The following TAFA4 variants were observed in gnomAD, a reference collection of about 807,000 sequenced individuals.
TAFA4 encodes TAFA chemokine like family member 4.
Under a neutral mutation model 21.1 loss-of-function variants are expected in TAFA4, and 20 were observed. That is an observed-to-expected ratio of 0.95 (90% confidence interval 0.67 to 1.38). The LOEUF is 1.38. Among genes scored for constraint, TAFA4 ranks in the 40% most tolerant of loss-of-function variants. The pLI is 0.00. For synonymous variants in TAFA4, 71 were observed against 67.4 expected, an observed-to-expected ratio of 1.05 and a Z score of -0.26; for missense variants, 211 against 180.9, an observed-to-expected ratio of 1.17 and a Z score of -0.95.
At chr3:68,883,200 C>T (rs1439087231) in intron 2 of TAFA4, 1 of 152,322 alleles carries the variant, frequency 6.6e-6, no homozygotes, top group African/African-American at 2.4e-5. Flanking sequence ...GGAAGGATCA[C>T]TTCCAAGTGC....
chr3:68,815,166 G>A (rs1203780846), intron 3 of TAFA4, among the ~76,000 whole-genome samples: 2 of 151,986 alleles, frequency 1.3e-5, no homozygotes, highest in Non-Finnish European at 2.9e-5. Context: ...AATTAATTCA[G>A]GATGGATTAA....
chr3:68,931,019 C>A (rs765533949), intron 1 of TAFA4, among the ~76,000 whole-genome samples: 121 of 152,242 alleles, frequency 7.9e-4, no homozygotes, highest in Non-Finnish European at 1.4e-3. Flanking sequence ...AACGAAGATG[C>A]GTGTGATTAG....
chr3:68,858,577 CGTGTGTGT>C (rs4065047), intron 3 of TAFA4, among the ~76,000 whole-genome samples: 254 of 146,158 alleles, frequency 1.7e-3, no homozygotes, highest in African/African-American at 5.7e-3. Context: ...TTCCAAGTGA[CGTGTGTGT>C]GTGTGTGTGT....
intron 3 of TAFA4, among the ~76,000 whole-genome samples, chr3:68,870,436 T>C (rs907537982): frequency 6.6e-6 from 1 of 152,142 alleles, no homozygotes; most frequent in African/African-American, 2.4e-5. Flanking sequence ...GGCATCACAC[T>C]ACTTGACTTC....
At chr3:68,873,296 C>G (rs116782283) in intron 3 of TAFA4, among the ~76,000 whole-genome samples, 3,190 of 149,738 alleles carry the variant, frequency 0.021, 118 homozygotes, top group African/African-American at 0.074. Flanking sequence ...CAAATAGAAA[C>G]AGACACAGAC....
intron 3 of TAFA4, among the ~76,000 whole-genome samples, chr3:68,779,855 A>G (rs1703123005): frequency 6.6e-6 from 1 of 152,102 alleles, no homozygotes; most frequent in South Asian, 2.1e-4. Flanking sequence ...CTATGAGAAG[A>G]GGACCTCAGA....
At chr3:68,857,290 T>C (rs1026004487) in intron 3 of TAFA4, among the ~76,000 whole-genome samples, 5 of 152,160 alleles carry the variant, frequency 3.3e-5, no homozygotes, top group Non-Finnish European at 5.9e-5. Flanking sequence ...AGGACAATAG[T>C]TCCTCTTAAT....
chr3:68,931,150 A>T (rs902979874), intron 1 of TAFA4, among the ~76,000 whole-genome samples: 3 of 152,350 alleles, frequency 2.0e-5, no homozygotes, highest in Middle Eastern at 3.4e-3. Flanking sequence ...AAAGCTTCGA[A>T]GGCGCCCATC....
intron 3 of TAFA4, among the ~76,000 whole-genome samples, chr3:68,836,051 G>A (rs1349587590): frequency 8.5e-5 from 13 of 152,176 alleles, no homozygotes. Context: ...TAGATCTGTG[G>A]ATTTCAGTTT....
At chr3:68,922,545 A>G (rs2090069023) in intron 1 of TAFA4, among the ~76,000 whole-genome samples, 1 of 152,242 alleles carries the variant, frequency 6.6e-6, no homozygotes, top group Admixed American at 6.5e-5. Flanking sequence ...AGGATCATGA[A>G]ACTTACATAT....
chr3:68,772,463 A>C (rs1037996733), intron 3 of TAFA4, among the ~76,000 whole-genome samples: 2 of 152,106 alleles, frequency 1.3e-5, no homozygotes, highest in African/African-American at 4.8e-5. Context: ...GGCAAAAGAA[A>C]GGTGAATTCT....
chr3:68,813,489 C>T (rs1199670823), intron 3 of TAFA4, among the ~76,000 whole-genome samples: 2 of 152,010 alleles, frequency 1.3e-5, no homozygotes, highest in African/African-American at 4.8e-5. Context: ...AGGATACCAC[C>T]ACCGATCCCA....
chr3:68,830,219 T>C (rs1036576439), intron 3 of TAFA4, among the ~76,000 whole-genome samples: 1 of 152,098 alleles, frequency 6.6e-6, no homozygotes, highest in African/African-American at 2.4e-5. Context: ...TTATTTCTTG[T>C]CTTCTGCTAG....
chr3:68,780,307 G>C (rs1359235748), intron 3 of TAFA4, among the ~76,000 whole-genome samples: 1 of 152,174 alleles, frequency 6.6e-6, no homozygotes, highest in Admixed American at 6.5e-5. Context: ...TTAAGACTTT[G>C]GGAGACTATT....
intron 3 of TAFA4, among the ~76,000 whole-genome samples, chr3:68,759,514 T>G (rs979737811): frequency 2.6e-5 from 4 of 152,162 alleles, no homozygotes; most frequent in African/African-American, 9.7e-5. Flanking sequence ...GGGGATGCCT[T>G]GTTCAATAAG....
chr3:68,831,876 C>T (rs1016586457), intron 3 of TAFA4, among the ~76,000 whole-genome samples: 31 of 152,034 alleles, frequency 2.0e-4, no homozygotes, highest in African/African-American at 7.5e-4. Flanking sequence ...AGTCTTTGTT[C>T]ATTTCTTTTC....
At chr3:68,819,386 C>G (rs1704066234) in intron 3 of TAFA4, among the ~76,000 whole-genome samples, 1 of 151,860 alleles carries the variant, frequency 6.6e-6, no homozygotes, top group African/African-American at 2.4e-5. Flanking sequence ...GTCTACAACT[C>G]CAGTATTATG....
intron 3 of TAFA4, among the ~76,000 whole-genome samples, chr3:68,760,247 T>C (rs1002293641): frequency 2.0e-5 from 3 of 152,212 alleles, no homozygotes; most frequent in African/African-American, 7.2e-5. Context: ...AATAAATAGC[T>C]TAAATACATA....
intron 3 of TAFA4, among the ~76,000 whole-genome samples, chr3:68,803,639 T>C (rs886743722): frequency 2.6e-5 from 4 of 151,832 alleles, no homozygotes; most frequent in Admixed American, 1.3e-4. Flanking sequence ...AACTGAAGTT[T>C]TGATTCCTCT....
Sources: gnomAD v4.1 joint callset for allele counts (sites outside exome capture counted in the v4.1 genomes callset) on GRCh38, gnomAD v4.1.1 for gene constraint, MANE v1.5 for transcripts, NCBI Gene and HGNC (gene_info 2026-07-23, HGNC 2026-07-21) for gene names.